KIF20A: variants seen among roughly 807,000 people sequenced by gnomAD.
The protein encoded by KIF20A is kinesin-like protein KIF20A.
A neutral mutation model predicts 113.0 loss-of-function variants in KIF20A; 66 were observed. The ratio of observed to expected loss-of-function variants is 0.58; its 90% CI spans 0.48 to 0.72. The LOEUF is 0.72. Ranked by LOEUF, KIF20A falls within the 30% of genes least tolerant of loss-of-function variation. The probability of loss-of-function intolerance (pLI) is 0.00; values close to 1 mark genes in which losing one functional copy is unlikely to be tolerated. For missense variants in KIF20A, 927 were observed against 1,077.6 expected (o/e 0.86, Z 1.96); for synonymous variants, 376 against 402.3 (o/e 0.93, Z 0.78).
Position 138,183,619 on chromosome 5 carries a change from C to T in KIF20A, c.1139+38C>T, listed in dbSNP as rs778775518. The T allele has an allele frequency of 8.1e-6, 13 of 1,609,312 alleles. No individual in the cohort carries two copies. In the Admixed American group the frequency reaches 1.5e-4, roughly 19 times the overall value. On this transcript the variant is annotated intron_variant, in intron 9 of 18. Coordinates refer to ENST00000394894, the MANE Select transcript of KIF20A (RefSeq NM_005733.3). This position sits in a 1 kb window ranked among gnomAD's most constrained non-coding sequence, Gnocchi z 5.2. The stretch of plus-strand genomic sequence containing the variant: ...TAAGAATAAACTCTTCACTGTGTTC[C>T]AGGAAACATTAGTCCTCTGCCTGGT...
At chr5:138,181,787 T>G in intron 4 of KIF20A, 59 bp downstream of exon 4, 5 of 1,591,586 alleles carry the variant, frequency 3.1e-6, no homozygotes, top group Non-Finnish European at 3.4e-6. Context: ...CTTTATTCCC[T>G]CTTTAGAGGG....
At position 138,183,973 on chromosome 5, in the gene KIF20A, G is replaced by A. The variant is rs1380047086; in HGVS notation, c.1220G>A (p.Cys407Tyr). The change falls in exon 11 of 19, where the codon TGT (cysteine) becomes TAT (tyrosine). Residue 407 changes from cysteine (C) to tyrosine (Y), a missense_variant. Cys to Tyr is a radical substitution (Grantham distance 194). Transcript: ENST00000394894. This position sits in a 1 kb window ranked among gnomAD's most constrained non-coding sequence, Gnocchi z 5.2. ...GTGCATCATTCTAGGCTGTCACTCT[G>A]TGATCTGGCTGGCTCAGAGCGCTGC... ...IVPKISELSL[C>Y]DLAGSERCKD... 6.2e-7 allele frequency: 1 copy of A among 1,614,170 alleles called. No homozygotes were observed. The highest frequency in any genetic ancestry group is 8.5e-7 in the Non-Finnish European group (1 of 1,180,026).
chr5:138,179,686 G>A lies in KIF20A; in HGVS notation c.6G>A (p.Ser2=). ...CCTAGGCTGCCCCTGCCGTCATGTC[G>A]CAAGGGATCCTTTCTCCGCCAGCGG... M[S]QGILSPPAGL... The change falls in exon 2 of 19, where the codon TCG becomes TCA. Residue 2 remains serine, a synonymous_variant. Coordinates refer to ENST00000394894, the MANE Select transcript of KIF20A (RefSeq NM_005733.3). 1.2e-6 allele frequency: 2 copies of A among 1,613,922 alleles called. No individual in the cohort carries two copies. The highest frequency in any genetic ancestry group is 8.5e-7 in the Non-Finnish European group (1 of 1,179,984).
At position 138,187,161 on chromosome 5, in the gene KIF20A, A is replaced by T. The variant is rs543988792; in HGVS notation, c.2421A>T (p.Ala807=). 1 of 1,614,096 alleles carries T rather than the reference A, an allele frequency of 6.2e-7. No homozygotes were observed. The highest frequency in any genetic ancestry group is 1.3e-5 in the African/African-American group (1 of 75,064). ...VLVKLDLRKK[A]ACIAEQYHTV... ...TGAAACTGGACCTTCGGAAGAAGGC[A>T]GCATGTATTGCTGAGCAGTATCATA... is the stretch of plus-strand genomic sequence containing the variant. Residue 807 remains alanine, a synonymous_variant, in exon 19 of 19, where the codon GCA becomes GCT. Transcript: ENST00000394894.
In KIF20A at chr5:138,181,588, C is replaced by G. The variant is rs758694845; in HGVS notation, c.256-21C>G. On this transcript the variant is annotated intron_variant, in intron 3 of 18. Transcript: ENST00000394894. ...TTCCCAGGAATGCCTTCTGTGACAA[C>G]TGTATTTTCTCCCTTCTCAGGGTTG... is the stretch of plus-strand genomic sequence containing the variant. 6.8e-6 allele frequency: 11 copies of G among 1,614,170 alleles called. No individual in the cohort carries two copies. The South Asian group carries it at 9.9e-5, about 14-fold the overall frequency.
intron 13 of KIF20A, 27 bp downstream of exon 13, chr5:138,184,703 A>T (rs764173571): frequency 3.7e-6 from 6 of 1,612,240 alleles, no homozygotes; most frequent in Non-Finnish European, 5.1e-6. Context: ...GCTTTAGTGT[A>T]GCAGCTTAGT....
Position 138,183,486 on chromosome 5 carries a change from T to C in KIF20A, c.1044T>C (p.His348=), listed in dbSNP as rs770389222. ...NPYVKDLNWI[H]VQDAEEAWKL... is the part of the protein sequence containing the mutation. ...TGGCCCCAGATCTCAACTGGATTCA[T>C]GTGCAAGATGCTGAGGAGGCCTGGA... Residue 348 remains histidine (H), a synonymous_variant, in exon 9 of 19, where the codon CAT becomes CAC. Coordinates refer to ENST00000394894, the MANE Select transcript of KIF20A (RefSeq NM_005733.3). The surrounding 1 kb of genome is among the most constrained non-coding windows in gnomAD (Gnocchi z 5.2). 6 of 1,614,128 alleles carry C rather than the reference T, an allele frequency of 3.7e-6. No individual in the cohort carries two copies. Among genetic ancestry groups the C allele is most frequent in the Non-Finnish European group, 4.2e-6 (5 of 1,180,010 alleles).
At position 138,183,398 on chromosome 5, in the gene KIF20A, G is replaced by A. The variant is rs764477014; in HGVS notation, c.1027+35G>A. On this transcript the variant is annotated intron_variant, in intron 8 of 18. Transcript: ENST00000394894. The surrounding 1 kb of genome is among the most constrained non-coding windows in gnomAD (Gnocchi z 5.2). ...CATGGGGAAAGCTGGCATGAACCCT[G>A]GAGGGCAACTGGGGAGAGACTGGCA... is the stretch of plus-strand genomic sequence containing the variant. The A allele has an allele frequency of 6.2e-7, 1 of 1,613,254 alleles. No homozygotes were observed. Among genetic ancestry groups the A allele is most frequent in the Non-Finnish European group, 8.5e-7 (1 of 1,179,254 alleles).
intron 2 of KIF20A, among the ~76,000 whole-genome samples, chr5:138,180,306 G>C (rs1754632793): frequency 6.6e-6 from 1 of 152,110 alleles, no homozygotes; most frequent in African/African-American, 2.4e-5. Flanking sequence ...TTGACATTTG[G>C]GGCTAGACAG....
In KIF20A at chr5:138,184,230, C is replaced by A; in HGVS notation, c.1353-9C>A. 1.2e-6 allele frequency: 2 copies of A among 1,613,846 alleles called. No individual in the cohort carries two copies. The highest frequency in any genetic ancestry group is 1.7e-6 in the Non-Finnish European group (2 of 1,179,828). Reference sequence around the variant, plus strand: ...GCTCACAGCTCTATTATCTCTGATTCTCTGCCAGGTCAAAGCAGAACCTGG... The same window carrying A: ...GCTCACAGCTCTATTATCTCTGATTATCTGCCAGGTCAAAGCAGAACCTGG... On this transcript the variant is annotated splice_polypyrimidine_tract_variant and intron_variant, in intron 11 of 18. Transcript: ENST00000394894.
At chr5:138,185,884 TGTTA>T in intron 16 of KIF20A, 73 bp from the exon 17 acceptor site, 1 of 1,375,462 alleles carries the variant, frequency 7.3e-7, no homozygotes, top group East Asian at 2.4e-5. Flanking sequence ...TGCAAGCTAC[TGTTA>T]CCTCAGTTAA....
chr5:138,186,436 G>A lies in KIF20A; in HGVS notation c.2355+5G>A, dbSNP rs1754747429. 1 of 1,611,592 alleles carries A rather than the reference G, an allele frequency of 6.2e-7. No individual in the cohort carries two copies. The highest frequency in any genetic ancestry group is 8.5e-7 in the Non-Finnish European group (1 of 1,179,486). On this transcript the variant is annotated splice_donor_5th_base_variant and intron_variant, in intron 18 of 18. Transcript: ENST00000394894. ...GATGACATCTTAATCAAACAGGTTA[G>A]GGCAAACTATATACCCACTTCTGTC... is the stretch of plus-strand genomic sequence containing the variant.
chr5:138,185,395 G>A (rs1001886168), intron 15 of KIF20A, 117 bp from the exon 16 acceptor site: 2 of 997,662 alleles, frequency 2.0e-6, no homozygotes, highest in African/African-American at 1.6e-5. Flanking sequence ...ATCGTATTAA[G>A]TGCTAACAAC....
chr5:138,183,303 C>T lies in KIF20A; in HGVS notation c.967C>T (p.Gln323Ter), dbSNP rs1320997359. Residue 323 changes from glutamine to a stop codon, truncating the protein, a stop_gained, in exon 8 of 19, where the codon CAG (glutamine) becomes TAG (stop). Coordinates refer to ENST00000394894, the MANE Select transcript of KIF20A (RefSeq NM_005733.3). LOFTEE classifies it high-confidence loss of function. This position sits in a 1 kb window ranked among gnomAD's most constrained non-coding sequence, Gnocchi z 5.2. The part of the protein sequence containing the change: ...LYDLLEPPSQ[Q>*]RKRQTLRLCE... ...TGACCTATTAGAACCGCCTAGCCAA[C>T]AGCGCAAGAGGCAGACTTTGCGGCT... 1.2e-6 allele frequency: 2 copies of T among 1,614,232 alleles called. No homozygotes were observed. The highest frequency in any genetic ancestry group is 1.7e-6 in the Non-Finnish European group (2 of 1,180,036).
rs1440426128 is a variant in KIF20A, at chr5:138,187,231, G to A, written c.2491G>A (p.Gly831Ser). 1.2e-5 allele frequency: 20 copies of A among 1,614,128 alleles called. No individual in the cohort carries two copies. Among genetic ancestry groups the A allele is most frequent in the Non-Finnish European group, 1.6e-5 (19 of 1,180,024 alleles). ...CCAGGTTTCTGCCAAAAAGCGCCTT[G>A]GTACCAACCAGGAAAATCAGCAACC... ...QGQVSAKKRLGTNQENQQPNQ... is the reference protein window; with the variant it reads ...QGQVSAKKRLSTNQENQQPNQ... The change falls in exon 19 of 19, where the codon GGT (glycine) becomes AGT (serine). Residue 831 changes from glycine (G) to serine (S), a missense_variant. Transcript: ENST00000394894.
In KIF20A at chr5:138,181,516, GTGTC is replaced by G; in HGVS notation, c.255+8_255+11del. ...TTGGAACGACAGGAAGATCAGGTAA[GTGTC>G]TGAGAAGGGAGGATTCAAGGTGAAA... On this transcript the variant is annotated splice_donor_region_variant and intron_variant, in intron 3 of 18. Transcript: ENST00000394894. 6.2e-7 allele frequency: 1 copy of G among 1,614,150 alleles called. No homozygotes were observed. The highest frequency in any genetic ancestry group is 8.5e-7 in the Non-Finnish European group (1 of 1,179,962).
chr5:138,186,970 A>G, intron 18 of KIF20A, 126 bp from the exon 19 acceptor site: 1 of 733,748 alleles, frequency 1.4e-6, no homozygotes, highest in Non-Finnish European at 2.2e-6. Context: ...GACCTTAAAG[A>G]GTTTTAATCT....
chr5:138,183,804 G>A lies in KIF20A; in HGVS notation c.1208+48G>A, dbSNP rs1381170415. 3.2e-6 allele frequency: 5 copies of A among 1,586,758 alleles called. 1 individual carries two copies. Among genetic ancestry groups the A allele is most frequent in the Non-Finnish European group, 4.3e-6 (5 of 1,156,208 alleles). Reference sequence around the variant, plus strand: ...TTGGGCTTCTTGGCCATAAATGATAGTTGGGAAAGCATGGAGGAGGTCCTC... The same window carrying A: ...TTGGGCTTCTTGGCCATAAATGATAATTGGGAAAGCATGGAGGAGGTCCTC... On this transcript the variant is annotated intron_variant, in intron 10 of 18. Transcript: ENST00000394894. This position sits in a 1 kb window ranked among gnomAD's most constrained non-coding sequence, Gnocchi z 5.2.
Position 138,183,820 on chromosome 5 carries a change from G to T in KIF20A, c.1208+64G>T. 6.4e-7 allele frequency: 1 copy of T among 1,571,792 alleles called. No individual in the cohort carries two copies. Among genetic ancestry groups the T allele is most frequent in the Non-Finnish European group, 8.7e-7 (1 of 1,143,238 alleles). The stretch of plus-strand genomic sequence containing the variant: ...TAAATGATAGTTGGGAAAGCATGGA[G>T]GAGGTCCTCAGGGGAACTATGTGTT... On this transcript the variant is annotated intron_variant, in intron 10 of 18. Coordinates refer to ENST00000394894, the MANE Select transcript of KIF20A (RefSeq NM_005733.3). The surrounding 1 kb of genome is among the most constrained non-coding windows in gnomAD (Gnocchi z 5.2).
Sources: allele counts gnomAD v4.1 joint callset (sites outside exome capture counted in the v4.1 genomes callset), GRCh38; gene constraint gnomAD v4.1.1; non-coding constraint Gnocchi (gnomAD v3.1); transcripts MANE v1.5; gene names NCBI Gene and HGNC (gene_info 2026-07-23, HGNC 2026-07-21).